Variants in KIF24 observed in about 807,000 individuals in gnomAD.
KIF24 encodes kinesin family member 24.
Under a neutral mutation model 118.9 loss-of-function variants are expected in KIF24, and 81 were observed. The ratio of observed to expected loss-of-function variants is 0.68; its 90% CI spans 0.57 to 0.82. KIF24 has a LOEUF of 0.82. KIF24 is among the 40% of genes least tolerant of loss of function. The probability of loss-of-function intolerance (pLI) is 0.00; values close to 1 mark genes in which losing one functional copy is unlikely to be tolerated. For missense variants in KIF24, 1,560 were observed against 1,661.6 expected (o/e 0.94, Z 1.06); for synonymous variants, 599 against 610.0 (o/e 0.98, Z 0.27).
chr9:34,314,195 G>A (rs1217027364), intron 1 of KIF24, among the ~76,000 whole-genome samples: 3 of 151,814 alleles, frequency 2.0e-5, no homozygotes, highest in Admixed American at 2.0e-4. Flanking sequence ...AGACAGTCTC[G>A]CTCTGTTGCT....
intron 3 of KIF24, among the ~76,000 whole-genome samples, chr9:34,300,519 C>T (rs1192985069): frequency 6.6e-6 from 1 of 151,830 alleles, no homozygotes; most frequent in Non-Finnish European, 1.5e-5. Context: ...CAGTGCCCAC[C>T]ACCATGCCCA....
chr9:34,258,422 A>G (rs1834938169), intron 10 of KIF24, among the ~76,000 whole-genome samples: 2 of 152,220 alleles, frequency 1.3e-5, no homozygotes, highest in African/African-American at 4.8e-5. Flanking sequence ...GTGAGCCATG[A>G]TCACACTATT....
chr9:34,291,609 T>C (rs1188895246), intron 4 of KIF24, among the ~76,000 whole-genome samples: 5 of 152,128 alleles, frequency 3.3e-5, no homozygotes, highest in African/African-American at 9.7e-5. Context: ...AGGTGGAGAA[T>C]GGAGTTGGGA....
intron 8 of KIF24, among the ~76,000 whole-genome samples, chr9:34,266,479 C>A (rs1257030043): frequency 6.6e-6 from 1 of 151,988 alleles, no homozygotes; most frequent in African/African-American, 2.4e-5. Context: ...GAGTTCAAGA[C>A]CAGCATGGCC....
rs149129211 is a variant in KIF24 at position 34,266,132 on chromosome 9, A to G, written c.1444-2960T>C. On this transcript the variant is annotated intron_variant, in intron 8 of 12. Transcript: ENST00000402558. Reference sequence around the variant, plus strand: ...GGTCTCAAACTCCTGGGCTCGAGTGATCTGTCCACCTTAACCTCCCAAAGT... The same window carrying G: ...GGTCTCAAACTCCTGGGCTCGAGTGGTCTGTCCACCTTAACCTCCCAAAGT... Among the ~76,000 whole-genome samples, 507 of 152,288 alleles carry G rather than the reference A, an allele frequency of 3.3e-3. 6 individuals carry two copies. Among genetic ancestry groups the G allele is most frequent in the African/African-American group, 0.011 (474 of 41,570 alleles).
intron 5 of KIF24, among the ~76,000 whole-genome samples, chr9:34,288,421 G>A (rs2131745985): frequency 6.6e-6 from 1 of 152,018 alleles, no homozygotes; most frequent in Non-Finnish European, 1.5e-5. Flanking sequence ...CCAGGAGGAT[G>A]AAGCTGCAGT....
intron 1 of KIF24, among the ~76,000 whole-genome samples, chr9:34,321,186 C>T (rs1050888160): frequency 1.3e-5 from 2 of 152,210 alleles, no homozygotes; most frequent in Admixed American, 6.5e-5. Context: ...AGCAAAATAC[C>T]TACATGGTTT....
intron 4 of KIF24, among the ~76,000 whole-genome samples, chr9:34,296,095 T>C (rs1409557073): frequency 1.4e-5 from 2 of 147,950 alleles, no homozygotes; most frequent in Admixed American, 6.8e-5. Context: ...GGTGGGCGCC[T>C]GTAGTCCCAG....
rs1475785923 is a variant in KIF24 at position 34,296,279 on chromosome 9, T to C, written c.911+738A>G. On this transcript the variant is annotated intron_variant, in intron 4 of 12. Coordinates refer to ENST00000402558, the MANE Select transcript of KIF24 (RefSeq NM_194313.4). Reference sequence around the variant, plus strand: ...TGGTGGCTCACGCCTGTAATCCCAGTACTTTGGGAGGCCGAGGCGGGCGGA... The same window carrying C: ...TGGTGGCTCACGCCTGTAATCCCAGCACTTTGGGAGGCCGAGGCGGGCGGA... Among the ~76,000 whole-genome samples the C allele has an allele frequency of 2.4e-3, 295 of 125,024 alleles. 3 individuals carry two copies. Among genetic ancestry groups the C allele is most frequent in the Middle Eastern group, 0.016 (3 of 188 alleles). The allele number at this position is 125,024 out of a possible 152,430, so 82.0% of individuals were successfully genotyped here.
At chr9:34,297,619 G>A (rs576934257) in intron 3 of KIF24, among the ~76,000 whole-genome samples, 3 of 152,132 alleles carry the variant, frequency 2.0e-5, no homozygotes, top group East Asian at 1.9e-4. Flanking sequence ...AAATTTAGCC[G>A]GGCATGGTGG....
intron 6 of KIF24, among the ~76,000 whole-genome samples, chr9:34,280,758 G>A (rs1003788417): frequency 6.6e-6 from 1 of 152,148 alleles, no homozygotes; most frequent in African/African-American, 2.4e-5. Flanking sequence ...ATCTAATAAC[G>A]CAAACGTGAA....
At position 34,318,955 on chromosome 9, in the gene KIF24, G is replaced by T; in HGVS notation, c.-25-7584C>A. ...GGGCCGTGCAGACCACCGACGGCAAGCTGCCCAAGGTCACCAAGGACATGG... is the reference window on the plus strand; with the variant it reads ...GGGCCGTGCAGACCACCGACGGCAATCTGCCCAAGGTCACCAAGGACATGG... On this transcript the variant is annotated intron_variant, in intron 1 of 12. Coordinates refer to ENST00000402558, the MANE Select transcript of KIF24 (RefSeq NM_194313.4). The surrounding 1 kb of genome is among the most constrained non-coding windows in gnomAD (Gnocchi z 4.9). 6.8e-7 allele frequency: 1 copy of T among 1,464,096 alleles called. No individual in the cohort carries two copies. The allele number at this position is 1,464,096 out of a possible 1,614,324, so 90.7% of individuals were successfully genotyped here.
chr9:34,302,310 A>T (rs1836749693), intron 3 of KIF24, among the ~76,000 whole-genome samples: 1 of 149,012 alleles, frequency 6.7e-6, no homozygotes, highest in South Asian at 2.1e-4. Context: ...CTTTTTCTTT[A>T]TTATTATTTT....
At chr9:34,296,218 CAA>C (rs575004699) in intron 4 of KIF24, among the ~76,000 whole-genome samples, 11 of 51,866 alleles carry the variant, frequency 2.1e-4, no homozygotes, top group Non-Finnish European at 1.5e-4. Flanking sequence ...GACTCTGTCT[CAA>C]AAAAAAAAAA....
At chr9:34,298,888 C>G (rs898677287) in intron 3 of KIF24, among the ~76,000 whole-genome samples, 1 of 151,788 alleles carries the variant, frequency 6.6e-6, no homozygotes, top group African/African-American at 2.4e-5. Flanking sequence ...AGAAAGGGGT[C>G]CAAGACGACT....
rs956159619 is a variant in KIF24 at position 34,318,633 on chromosome 9, C to G, written c.-25-7262G>C. 6.5e-7 allele frequency: 1 copy of G among 1,530,016 alleles called. No homozygotes were observed. The highest frequency in any genetic ancestry group is 8.9e-7 in the Non-Finnish European group (1 of 1,124,100). The allele number at this position is 1,530,016 out of a possible 1,614,324, so 94.8% of individuals were successfully genotyped here. On this transcript the variant is annotated intron_variant, in intron 1 of 12. Transcript: ENST00000402558. This position sits in a 1 kb window ranked among gnomAD's most constrained non-coding sequence, Gnocchi z 4.9. ...GTGTCGCCCGTGGTGGTGGCCTCGT[C>G]GTTGGGGCTCGTGTCGCTGGGCGGC...
rs143211188 is a variant in KIF24 at position 34,302,258 on chromosome 9, G to A, written c.813+3994C>T. Among the ~76,000 whole-genome samples, 893 of 151,916 alleles carry A rather than the reference G, an allele frequency of 5.9e-3. 4 individuals carry two copies. The highest frequency in any genetic ancestry group is 8.9e-3 in the Non-Finnish European group (606 of 67,940). Reference sequence around the variant, plus strand: ...ATCCACGGCCTCGGCCTCCCAAAGTGCTGATTACAGGCATGAGTAATGCCA... The same window carrying A: ...ATCCACGGCCTCGGCCTCCCAAAGTACTGATTACAGGCATGAGTAATGCCA... On this transcript the variant is annotated intron_variant, in intron 3 of 12. Coordinates refer to ENST00000402558, the MANE Select transcript of KIF24 (RefSeq NM_194313.4).
rs114446811 is a variant in KIF24, at chr9:34,257,777, A to T, written c.1830T>A (p.Pro610=). The T allele has an allele frequency of 3.4e-4, 541 of 1,614,026 alleles. No homozygotes were observed. In the African/African-American group the frequency reaches 6.6e-3, roughly 20 times the overall value. Residue 610 remains proline, a synonymous_variant, in exon 11 of 13, where the codon CCT becomes CCA. Transcript: ENST00000402558. ...GAATGTTGGGTGGGTGGCTGGTCAG[A>T]GGATGGACCTTCCCTCTCGTGGAAC... ...APGSTRGKVH[P]LTSHPPNIPF...
Position 34,256,858 on chromosome 9 carries a change from C to A in KIF24, c.2749G>T (p.Val917Leu). 1.2e-6 allele frequency: 2 copies of A among 1,613,990 alleles called. No individual in the cohort carries two copies. The highest frequency in any genetic ancestry group is 1.7e-6 in the Non-Finnish European group (2 of 1,179,890). Reference sequence around the variant, plus strand: ...GTAGAGTTCTCTCTGCTCCAGTCCACGGGCCCCTTACTTGGGCTGCAGCTG... The same window carrying A: ...GTAGAGTTCTCTCTGCTCCAGTCCAAGGGCCCCTTACTTGGGCTGCAGCTG... ...DHSCSPSKGP[V>L]DWSRENSTSS... Residue 917 changes from valine (V) to leucine (L), a missense_variant, in exon 11 of 13, where the codon GTG becomes TTG. Around this residue, in one of 3 missense-constraint regions of KIF24, gnomAD observed 591 missense variants for 655.6 expected, o/e 0.90. Coordinates refer to ENST00000402558, the MANE Select transcript of KIF24 (RefSeq NM_194313.4).
Sources: allele counts gnomAD v4.1 joint callset (sites outside exome capture counted in the v4.1 genomes callset), GRCh38; gene constraint gnomAD v4.1.1; regional missense constraint gnomAD v4.1.1; non-coding constraint Gnocchi (gnomAD v3.1); transcripts MANE v1.5; gene names NCBI Gene and HGNC (gene_info 2026-07-23, HGNC 2026-07-21).